ANO6: variants seen among roughly 807,000 people sequenced by gnomAD.
ANO6 encodes anoctamin 6.
A neutral mutation model predicts 117.5 loss-of-function variants in ANO6; 106 were observed. That is an observed-to-expected ratio of 0.90 (90% CI 0.77 to 1.06). The LOEUF (loss-of-function observed/expected upper bound fraction) is 1.06. ANO6 is among the 50% of genes least tolerant of loss of function. The pLI is 0.00. For synonymous variants in ANO6, 367 were observed against 385.1 expected (o/e 0.95, Z 0.55); for missense variants, 955 against 1,121.1 (o/e 0.85, Z 2.12).
chr12:45,391,606 G>T (rs892165022), intron 12 of ANO6, among the ~76,000 whole-genome samples: 1 of 152,042 alleles, frequency 6.6e-6, no homozygotes, highest in East Asian at 1.9e-4. Flanking sequence ...GGTGGCTCAC[G>T]CCTGTAATCC....
At chr12:45,371,520 A>G (rs866982770) in intron 9 of ANO6, among the ~76,000 whole-genome samples, 36 of 151,192 alleles carry the variant, frequency 2.4e-4, no homozygotes, top group South Asian at 1.3e-3. Context: ...ATCTGAGAAC[A>G]GGCAGACTGC....
intron 1 of ANO6, among the ~76,000 whole-genome samples, chr12:45,280,451 A>G (rs991216171): frequency 4.6e-5 from 7 of 152,154 alleles, no homozygotes; most frequent in African/African-American, 7.2e-5. Flanking sequence ...CCCCTCACCA[A>G]TTACTAGCAC....
intron 3 of ANO6, among the ~76,000 whole-genome samples, chr12:45,333,053 A>T (rs966713942): frequency 1.3e-5 from 2 of 151,956 alleles, no homozygotes; most frequent in African/African-American, 4.8e-5. Context: ...TTTCTTATTA[A>T]TACATAAAAT....
chr12:45,439,934 G>A, exon 20 of ANO6: 1 of 1,472,788 alleles, frequency 6.8e-7, no homozygotes, highest in South Asian at 1.5e-5. Flanking sequence ...AATTTCTTAA[G>A]TTAGATTTAT....
At chr12:45,390,748 T>C (rs1314623211) in intron 12 of ANO6, among the ~76,000 whole-genome samples, 1 of 152,180 alleles carries the variant, frequency 6.6e-6, no homozygotes, top group African/African-American at 2.4e-5. Flanking sequence ...GTTAAATCAG[T>C]GATTCAGGAT....
chr12:45,404,320 C>G (rs527574071), intron 15 of ANO6, among the ~76,000 whole-genome samples: 11 of 152,190 alleles, frequency 7.2e-5, no homozygotes, highest in Non-Finnish European at 1.3e-4. Flanking sequence ...CTTAGGCCCC[C>G]TCCACTATCA....
intron 1 of ANO6, among the ~76,000 whole-genome samples, chr12:45,218,595 TG>T (rs908791341): frequency 2.6e-5 from 4 of 152,036 alleles, no homozygotes; most frequent in Admixed American, 2.6e-4. Flanking sequence ...TAATGTGGGT[TG>T]TAGTGATTTT....
At chr12:45,252,864 T>G (rs1027544985) in intron 1 of ANO6, among the ~76,000 whole-genome samples, 1 of 152,210 alleles carries the variant, frequency 6.6e-6, no homozygotes, top group Non-Finnish European at 1.5e-5. Context: ...CAAATTATGG[T>G]AAGGATATAA....
chr12:45,396,211 G>A (rs1325548728), intron 12 of ANO6, among the ~76,000 whole-genome samples: 1 of 152,116 alleles, frequency 6.6e-6, no homozygotes, highest in African/African-American at 2.4e-5. Flanking sequence ...GACAAACGAA[G>A]AGCCAAATCA....
intron 9 of ANO6, among the ~76,000 whole-genome samples, chr12:45,371,241 A>G (rs1219750993): frequency 2.0e-5 from 3 of 152,160 alleles, no homozygotes; most frequent in East Asian, 3.9e-4. Flanking sequence ...TTGCTAGCAC[A>G]GCAGTCTGAG....
intron 2 of ANO6, among the ~76,000 whole-genome samples, chr12:45,329,220 A>G (rs1565694418): frequency 6.6e-6 from 1 of 152,068 alleles, no homozygotes; most frequent in East Asian, 1.9e-4. Flanking sequence ...CAGTTCCGTT[A>G]TTTGTTACAT....
intron 2 of ANO6, among the ~76,000 whole-genome samples, chr12:45,330,084 A>AAATG (rs1940611556): frequency 1.3e-5 from 2 of 152,098 alleles, no homozygotes; most frequent in African/African-American, 4.8e-5. Context: ...ATTCCTGGTT[A>AAATG]AATGCACTGG....
chr12:45,394,199 GTC>G (rs1565746368), intron 12 of ANO6, among the ~76,000 whole-genome samples: 3 of 152,242 alleles, frequency 2.0e-5, no homozygotes, highest in Admixed American at 1.3e-4. Flanking sequence ...TGCAATCCTA[GTC>G]TCTCATAAAG....
At chr12:45,368,391 C>T (rs1177172680) in intron 9 of ANO6, among the ~76,000 whole-genome samples, 1 of 152,216 alleles carries the variant, frequency 6.6e-6, no homozygotes, top group African/African-American at 2.4e-5. Flanking sequence ...TATGCCAAAA[C>T]TATGCTTAGA....
chr12:45,346,073 A>G (rs111517834), intron 3 of ANO6, among the ~76,000 whole-genome samples: 115 of 152,194 alleles, frequency 7.6e-4, no homozygotes, highest in African/African-American at 2.7e-3. Flanking sequence ...TAATGTCATT[A>G]ATTTGTTAAG....
chr12:45,323,330 C>T (rs1940343331), intron 2 of ANO6, among the ~76,000 whole-genome samples: 1 of 152,140 alleles, frequency 6.6e-6, no homozygotes, highest in Admixed American at 6.5e-5. Context: ...CAATTCAAAG[C>T]ATGTTAGAAG....
At chr12:45,264,161 G>A (rs993778737) in intron 1 of ANO6, among the ~76,000 whole-genome samples, 3 of 152,194 alleles carry the variant, frequency 2.0e-5, no homozygotes, top group Admixed American at 6.5e-5. Context: ...CCTGCTGCAT[G>A]TTGTCTTCAG....
chr12:45,299,154 A>G (rs1939396896), intron 1 of ANO6, among the ~76,000 whole-genome samples: 1 of 152,240 alleles, frequency 6.6e-6, no homozygotes, highest in Admixed American at 6.5e-5. Context: ...GCACTAACTT[A>G]GAACACACTT....
At chr12:45,275,258 T>G (rs1938517528) in intron 1 of ANO6, among the ~76,000 whole-genome samples, 1 of 152,218 alleles carries the variant, frequency 6.6e-6, no homozygotes, top group Non-Finnish European at 1.5e-5. Flanking sequence ...TCGCCCAGGC[T>G]GGAGTGCAGT....
Sources: gnomAD v4.1 joint callset for allele counts (sites outside exome capture counted in the v4.1 genomes callset) on GRCh38, gnomAD v4.1.1 for gene constraint, MANE v1.5 for transcripts, NCBI Gene and HGNC (gene_info 2026-07-23, HGNC 2026-07-21) for gene names.